Variants in CLVS1 observed in about 807,000 individuals in gnomAD.
CLVS1 encodes clavesin-1.
A neutral mutation model predicts 33.1 loss-of-function variants in CLVS1; 10 were observed. The ratio of observed to expected loss-of-function variants is 0.30; its 90% CI spans 0.19 to 0.51. The LOEUF is 0.51. Ranked by LOEUF, CLVS1 falls within the 20% of genes least tolerant of loss-of-function variation. The probability of loss-of-function intolerance (pLI) is 0.97; values close to 1 mark genes in which losing one functional copy is unlikely to be tolerated. For synonymous variants in CLVS1, 163 were observed against 166.1 expected (o/e 0.98, Z 0.14); for missense variants, 343 against 433.4 (o/e 0.79, Z 1.85).
At chr8:61,041,910 TG>T in the CLVS1 span, among the ~76,000 whole-genome samples, 1 of 152,190 alleles carries the variant, frequency 6.6e-6, no homozygotes, top group Non-Finnish European at 1.5e-5. Flanking sequence ...AGAGAAGGTC[TG>T]ACTCTGTCAT....
chr8:61,383,971 G>T (rs1563528528), intron 3 of CLVS1, among the ~76,000 whole-genome samples: 1 of 152,146 alleles, frequency 6.6e-6, no homozygotes, highest in African/African-American at 2.4e-5. Flanking sequence ...AAAATATTTG[G>T]AAAAAGAGAC....
intron 3 of CLVS1, among the ~76,000 whole-genome samples, chr8:61,418,545 A>T (rs1815532728): frequency 1.3e-5 from 2 of 152,210 alleles, no homozygotes; most frequent in South Asian, 4.1e-4. Context: ...CTCCATACTC[A>T]TACAAACATA....
At chr8:61,353,579 T>A (rs536834183) in intron 2 of CLVS1, among the ~76,000 whole-genome samples, 2 of 151,866 alleles carry the variant, frequency 1.3e-5, no homozygotes, top group East Asian at 3.9e-4. Context: ...TCCACATATA[T>A]GAGATGCAGA....
chr8:61,182,894 A>ACAG (rs762318366), intron 2 of CLVS1, among the ~76,000 whole-genome samples: 5 of 151,698 alleles, frequency 3.3e-5, no homozygotes, highest in Non-Finnish European at 5.9e-5. Context: ...CATGGAACCA[A>ACAG]CCCTAATGCC....
At chr8:61,377,875 G>A (rs1813708050) in intron 3 of CLVS1, 1 of 134,416 alleles carries the variant, frequency 7.4e-6, no homozygotes, top group African/African-American at 2.6e-5. Context: ...TTGTTCCAGG[G>A]ATGCCACATT....
the CLVS1 span, among the ~76,000 whole-genome samples, chr8:60,995,364 C>T: frequency 2.6e-3 from 393 of 152,252 alleles, 3 homozygotes; most frequent in Middle Eastern, 0.024. Context: ...CATGAACAGA[C>T]ACTTCTTAAA....
intron 3 of CLVS1, among the ~76,000 whole-genome samples, chr8:61,404,649 A>G (rs1814911261): frequency 6.6e-6 from 1 of 152,206 alleles, no homozygotes; most frequent in Admixed American, 6.5e-5. Context: ...AGGTAGATAA[A>G]AGACCAGGTT....
chr8:60,985,275 T>C, the CLVS1 span, among the ~76,000 whole-genome samples: 8,145 of 152,250 alleles, frequency 0.053, 463 homozygotes, highest in African/African-American at 0.14. Flanking sequence ...CCAGCTTCTG[T>C]GCATGCCCAA....
intron 5 of CLVS1, among the ~76,000 whole-genome samples, chr8:61,478,639 C>T (rs1390193024): frequency 6.6e-6 from 1 of 152,094 alleles, no homozygotes; most frequent in African/African-American, 2.4e-5. Flanking sequence ...AGGATTGCAA[C>T]CCCTGCCTTT....
At chr8:61,469,494 C>A (rs1817664895) in intron 5 of CLVS1, among the ~76,000 whole-genome samples, 1 of 152,310 alleles carries the variant, frequency 6.6e-6, no homozygotes, top group Middle Eastern at 3.4e-3. Flanking sequence ...AAATTTTAGG[C>A]CATGTTTCCC....
chr8:61,319,165 GT>G (rs1811111521), intron 2 of CLVS1, among the ~76,000 whole-genome samples: 1 of 151,994 alleles, frequency 6.6e-6, no homozygotes, highest in South Asian at 2.1e-4. Flanking sequence ...GTTGTTTGTG[GT>G]TTTTGTCATA....
At chr8:61,492,219 TG>T (rs1287631613) in intron 5 of CLVS1, among the ~76,000 whole-genome samples, 2 of 152,238 alleles carry the variant, frequency 1.3e-5, no homozygotes, top group Non-Finnish European at 2.9e-5. Context: ...CTAATAGACA[TG>T]TTACAAAAAT....
chr8:61,383,804 G>T (rs975647909), intron 3 of CLVS1, among the ~76,000 whole-genome samples: 3 of 152,156 alleles, frequency 2.0e-5, no homozygotes, highest in African/African-American at 7.2e-5. Flanking sequence ...AGACTCCCAT[G>T]CATTATAAAC....
intron 3 of CLVS1, among the ~76,000 whole-genome samples, chr8:61,414,457 G>A (rs1216260707): frequency 1.3e-5 from 2 of 150,086 alleles, no homozygotes; most frequent in Non-Finnish European, 3.0e-5. Flanking sequence ...ATATTGAGCT[G>A]AGATTTTTTA....
chr8:61,060,083 T>C (rs954102705), intron 1 of CLVS1, among the ~76,000 whole-genome samples: 3 of 152,140 alleles, frequency 2.0e-5, no homozygotes, highest in African/African-American at 7.2e-5. Flanking sequence ...CTTTGGGCTG[T>C]AGCATGATAG....
chr8:61,235,774 C>T (rs1808543949), intron 2 of CLVS1, among the ~76,000 whole-genome samples: 1 of 152,196 alleles, frequency 6.6e-6, no homozygotes, highest in Admixed American at 6.5e-5. Flanking sequence ...CCAGCACACC[C>T]TCTGTTCTGA....
the CLVS1 span, among the ~76,000 whole-genome samples, chr8:60,976,474 C>T: frequency 1.3e-5 from 2 of 152,224 alleles, no homozygotes; most frequent in East Asian, 1.9e-4. Flanking sequence ...TTTCCTGCCT[C>T]AGCCTCCTGA....
At chr8:61,062,239 A>G (rs1474531104) in intron 1 of CLVS1, among the ~76,000 whole-genome samples, 1 of 152,212 alleles carries the variant, frequency 6.6e-6, no homozygotes, top group Non-Finnish European at 1.5e-5. Context: ...TGTTCACTGC[A>G]GTGAGTTTTG....
intron 2 of CLVS1, among the ~76,000 whole-genome samples, chr8:61,247,005 G>C (rs1808826313): frequency 6.6e-6 from 1 of 151,912 alleles, no homozygotes; most frequent in South Asian, 2.1e-4. Flanking sequence ...TTCCTTCTTT[G>C]TGTTCATAAG....
Sources: gnomAD v4.1 joint callset for allele counts (sites outside exome capture counted in the v4.1 genomes callset) on GRCh38, gnomAD v4.1.1 for gene constraint, MANE v1.5 for transcripts, NCBI Gene and HGNC (gene_info 2026-07-23, HGNC 2026-07-21) for gene names.